The following ZSWIM6 variants were observed in gnomAD, a reference collection of about 807,000 sequenced individuals.
The protein encoded by ZSWIM6 is zinc finger SWIM-type containing 6, also known as zinc finger SWIM domain-containing protein 6.
Under a neutral mutation model 113.2 loss-of-function variants are expected in ZSWIM6, and 9 were observed. The observed-to-expected ratio is 0.08, with a 90% CI of 0.05 to 0.14. The LOEUF (loss-of-function observed/expected upper bound fraction) is 0.14, where lower values mean the gene tolerates loss of function less well. Ranked by LOEUF, ZSWIM6 falls within the 10% of genes least tolerant of loss-of-function variation. The pLI is 1.00. For synonymous variants in ZSWIM6, 611 were observed against 606.5 expected, an observed-to-expected ratio of 1.01 and a Z score of -0.11; for missense variants, 1,162 against 1,552.2, an observed-to-expected ratio of 0.75 and a Z score of 4.22.
chr5:61,437,140 C>T (rs943493744), intron 1 of ZSWIM6, among the ~76,000 whole-genome samples: 4 of 152,134 alleles, frequency 2.6e-5, no homozygotes, highest in African/African-American at 4.8e-5. Flanking sequence ...AAGATTGCTT[C>T]GGCAGCCAAA....
intron 1 of ZSWIM6, among the ~76,000 whole-genome samples, chr5:61,430,866 G>A (rs2112134850): frequency 6.6e-6 from 1 of 152,266 alleles, no homozygotes; most frequent in Middle Eastern, 3.4e-3. Context: ...AGTTGTGAAA[G>A]TTGCAGTTAG....
intron 4 of ZSWIM6, among the ~76,000 whole-genome samples, chr5:61,500,478 C>T (rs543354829): frequency 1.2e-4 from 19 of 152,178 alleles, no homozygotes; most frequent in African/African-American, 1.9e-4. Flanking sequence ...TCTCTCTACT[C>T]GGAGCAGAGC....
chr5:61,334,552 T>A (rs1364113581), intron 1 of ZSWIM6, among the ~76,000 whole-genome samples: 1 of 152,214 alleles, frequency 6.6e-6, no homozygotes, highest in East Asian at 1.9e-4. Context: ...CAAGAAAGAA[T>A]TAAGATTTGT....
At chr5:61,513,087 A>G (rs1748831928) in intron 4 of ZSWIM6, among the ~76,000 whole-genome samples, 1 of 152,076 alleles carries the variant, frequency 6.6e-6, no homozygotes, top group African/African-American at 2.4e-5. Context: ...CAAACAGAGT[A>G]GTTTCACTAT....
At chr5:61,478,997 C>T (rs1346678234) in intron 2 of ZSWIM6, among the ~76,000 whole-genome samples, 1 of 151,860 alleles carries the variant, frequency 6.6e-6, no homozygotes, top group Non-Finnish European at 1.5e-5. Flanking sequence ...ATGGTGAAAC[C>T]CTGTCTCTAG....
At chr5:61,370,687 G>A (rs567469319) in intron 1 of ZSWIM6, among the ~76,000 whole-genome samples, 22 of 152,292 alleles carry the variant, frequency 1.4e-4, no homozygotes, top group African/African-American at 5.3e-4. Flanking sequence ...TAGACTTCCA[G>A]AAGAGGAAAT....
At chr5:61,541,509 GA>G (rs1255548650) in intron 12 of ZSWIM6, among the ~76,000 whole-genome samples, 1 of 152,198 alleles carries the variant, frequency 6.6e-6, no homozygotes, top group Non-Finnish European at 1.5e-5. Context: ...AGGAGCCTCA[GA>G]AATTGAACTA....
chr5:61,528,863 C>T (rs536505125), intron 7 of ZSWIM6, among the ~76,000 whole-genome samples: 26 of 152,344 alleles, frequency 1.7e-4, no homozygotes, highest in African/African-American at 5.8e-4. Flanking sequence ...GCTGAGATTA[C>T]AGGCGTGAGC....
chr5:61,430,000 T>C (rs1746546245), intron 1 of ZSWIM6, among the ~76,000 whole-genome samples: 2 of 152,174 alleles, frequency 1.3e-5, no homozygotes, highest in Non-Finnish European at 1.5e-5. Flanking sequence ...GCCAGTGCAG[T>C]GTTGCAGAAG....
intron 4 of ZSWIM6, among the ~76,000 whole-genome samples, chr5:61,501,617 TTG>T (rs1284182248): frequency 2.0e-5 from 3 of 152,208 alleles, no homozygotes; most frequent in African/African-American, 7.2e-5. Context: ...ATTCACCTCC[TTG>T]TGTGTTTTTA....
At chr5:61,453,122 T>G (rs1747120051) in intron 1 of ZSWIM6, among the ~76,000 whole-genome samples, 1 of 152,236 alleles carries the variant, frequency 6.6e-6, no homozygotes, top group African/African-American at 2.4e-5. Context: ...CTGGCTCATT[T>G]AAGATGATAT....
At chr5:61,532,384 A>G (rs903268832) in intron 9 of ZSWIM6, among the ~76,000 whole-genome samples, 5 of 152,228 alleles carry the variant, frequency 3.3e-5, no homozygotes, top group African/African-American at 4.8e-5. Flanking sequence ...TTCCCCTCTG[A>G]AAAGGTAAAT....
At chr5:61,372,429 G>C (rs1487374909) in intron 1 of ZSWIM6, among the ~76,000 whole-genome samples, 2 of 151,908 alleles carry the variant, frequency 1.3e-5, no homozygotes, top group Non-Finnish European at 2.9e-5. Flanking sequence ...AAATTCAGTG[G>C]GCTCTTCATT....
At chr5:61,508,549 G>A (rs1382086487) in intron 4 of ZSWIM6, among the ~76,000 whole-genome samples, 2 of 152,030 alleles carry the variant, frequency 1.3e-5, no homozygotes, top group African/African-American at 4.8e-5. Flanking sequence ...TTTCTATTTT[G>A]TAATCTAGCA....
chr5:61,469,222 GTTC>G (rs1042093525), intron 1 of ZSWIM6, among the ~76,000 whole-genome samples: 16 of 152,360 alleles, frequency 1.1e-4, no homozygotes, highest in African/African-American at 3.8e-4. Context: ...ATCTGTTAGA[GTTC>G]TTCCTCATTC....
chr5:61,500,577 C>T (rs1013946999), intron 4 of ZSWIM6, among the ~76,000 whole-genome samples: 1 of 152,142 alleles, frequency 6.6e-6, no homozygotes, highest in African/African-American at 2.4e-5. Context: ...ACAATCCTGA[C>T]TACCATAGTC....
At chr5:61,513,149 C>T (rs559644819) in intron 4 of ZSWIM6, among the ~76,000 whole-genome samples, 1 of 152,224 alleles carries the variant, frequency 6.6e-6, no homozygotes, top group African/African-American at 2.4e-5. Flanking sequence ...ACCCAAACTC[C>T]TGGCTACCAC....
chr5:61,475,269 A>G (rs528559061), intron 2 of ZSWIM6, among the ~76,000 whole-genome samples: 1 of 152,242 alleles, frequency 6.6e-6, no homozygotes, highest in South Asian at 2.1e-4. Context: ...GTTTTAGTAA[A>G]ACCGAAAGCC....
At chr5:61,456,890 C>CTTTTTTTTTTTTTTTTTTTTTTTTTTT (rs57188174) in intron 1 of ZSWIM6, among the ~76,000 whole-genome samples, 1 of 142,760 alleles carries the variant, frequency 7.0e-6, no homozygotes. Context: ...TATCCAATTT[C>CTTTTTTTTTTTTTTTTTTTTTTTTTTT]TTTTTTTTTT....
Sources: gnomAD v4.1 joint callset for allele counts (sites outside exome capture counted in the v4.1 genomes callset) on GRCh38, gnomAD v4.1.1 for gene constraint, MANE v1.5 for transcripts, NCBI Gene and HGNC (gene_info 2026-07-23, HGNC 2026-07-21) for gene names.